The following TTN variants were observed in gnomAD, a reference collection of about 807,000 sequenced individuals.
The protein encoded by TTN is connectin.
Under a neutral mutation model 3,223.0 loss-of-function variants are expected in TTN, and 1,525 were observed. The observed-to-expected ratio is 0.47, with a 90% CI of 0.45 to 0.49. The LOEUF (loss-of-function observed/expected upper bound fraction) is 0.49. Ranked by LOEUF, TTN falls within the 20% of genes least tolerant of loss-of-function variation. TTN has a pLI of 0.00. For missense variants in TTN, 40,786 were observed against 43,424.0 expected, an observed-to-expected ratio of 0.94 and a Z score of 5.40; for synonymous variants, 14,094 against 15,161.0, an observed-to-expected ratio of 0.93 and a Z score of 5.17.
intron 224 of TTN, among the ~76,000 whole-genome samples, 182 bp downstream of exon 224, chr2:178,637,187 A>ATATATATATCTATATATCTATC (rs1553749552): frequency 1.6e-5 from 2 of 125,304 alleles, no homozygotes; most frequent in African/African-American, 6.1e-5. Flanking sequence ...ATATATATAT[A>ATATATATATCTATATATCTATC]TATCTCCTTG....
chr2:178,619,560 G>A, intron 250 of TTN, 61 bp downstream of exon 250: 7 of 1,578,542 alleles, frequency 4.4e-6, no homozygotes, highest in Non-Finnish European at 6.0e-6. Context: ...TTAAATAACT[G>A]TGAAATCTGA....
At position 178,664,604 on chromosome 2, in the gene TTN, A is replaced by G. The variant is rs552667683; in HGVS notation, c.36202+50T>C. 268 of 1,606,244 alleles carry G rather than the reference A, an allele frequency of 1.7e-4. 2 individuals are homozygous for G. The Middle Eastern group carries it at 3.6e-3, about 22-fold the overall frequency. On this transcript the variant is annotated intron_variant, in intron 167 of 362. Coordinates refer to ENST00000589042, the MANE Select transcript of TTN (RefSeq NM_001267550.2). Reference sequence around the variant, plus strand: ...ATCAACACAATCAGGAAAAACATTTATACAAGAAAAGACATGTTCCCACCC... The same window carrying G: ...ATCAACACAATCAGGAAAAACATTTGTACAAGAAAAGACATGTTCCCACCC...
chr2:178,768,184 A>AT, intron 38 of TTN, 29 bp from the exon 39 acceptor site: 1 of 1,611,134 alleles, frequency 6.2e-7, no homozygotes, highest in Non-Finnish European at 8.5e-7. Context: ...AAAAATTAAC[A>AT]TTTTTAACAG....
At chr2:178,626,470 T>C (rs2059070026) in intron 240 of TTN, among the ~76,000 whole-genome samples, 1 of 152,032 alleles carries the variant, frequency 6.6e-6, no homozygotes, top group Non-Finnish European at 1.5e-5. Flanking sequence ...GATTTTGCAC[T>C]GCTTAAGAGT....
chr2:178,547,815 TTC>T lies in TTN; in HGVS notation c.93809_93810del (p.Arg31270AsnfsTer12), dbSNP rs765855837. 6.2e-7 allele frequency: 1 copy of T among 1,613,884 alleles called. No homozygotes were observed. The highest frequency in any genetic ancestry group is 8.5e-7 in the Non-Finnish European group (1 of 1,179,836). ...ATGCTGTCCTTTACAGTCAGTGTGGTTCTGTCTTTTGTTGTTGTAATGCTCAC... is the reference window on the plus strand; with the variant it reads ...ATGCTGTCCTTTACAGTCAGTGTGGTTGTCTTTTGTTGTTGTAATGCTCAC... Reference protein sequence around the residue: ...DRVSITTTKDRTTLTVKDSMR... With the variant: ...DRVSITTTKDXTTLTVKDSMR... On this transcript the variant is annotated frameshift_variant, in exon 339 of 363. Coordinates refer to ENST00000589042, the MANE Select transcript of TTN (RefSeq NM_001267550.2). LOFTEE classifies it high-confidence loss of function.
In TTN at chr2:178,556,978, T is replaced by C; in HGVS notation, c.88176A>G (p.Glu29392=). 1 of 1,613,798 alleles carries C rather than the reference T, an allele frequency of 6.2e-7. No individual in the cohort carries two copies. Among genetic ancestry groups the C allele is most frequent in the Non-Finnish European group, 8.5e-7 (1 of 1,179,812 alleles). Residue 29392 remains glutamate (E), a synonymous_variant, in exon 330 of 363, where the codon GAA becomes GAG. Coordinates refer to ENST00000589042, the MANE Select transcript of TTN (RefSeq NM_001267550.2). The part of the protein sequence containing the change: ...WTKASFTNVT[E]TQFIISGLTQ... Reference sequence around the variant, plus strand: ...TCAAGCCAGAGATGATGAATTGAGTTTCAGTAACATTGGTGAAGCTGGCCT... The same window carrying C: ...TCAAGCCAGAGATGATGAATTGAGTCTCAGTAACATTGGTGAAGCTGGCCT...
At position 178,571,237 on chromosome 2, in the gene TTN, T is replaced by G. The variant is rs201512527; in HGVS notation, c.74895A>C (p.Gln24965His). Residue 24965 changes from glutamine (Q) to histidine (H), a missense_variant, in exon 326 of 363, where the codon CAA (glutamine) becomes CAC (histidine). Physicochemically the swap from Gln to His is conservative, Grantham distance 24. Coordinates refer to ENST00000589042, the MANE Select transcript of TTN (RefSeq NM_001267550.2). The stretch of plus-strand genomic sequence containing the variant: ...CAAGGCCAGTTGTCTTAAACTTGGT[T>G]TGAGGAATAGGTGTTTTATTCAACT... ...WVKLNKTPIP[Q>H]TKFKTTGLEE... The G allele has an allele frequency of 9.1e-4, 1,462 of 1,613,534 alleles. 3 individuals carry two copies. Among genetic ancestry groups the G allele is most frequent in the Admixed American group, 7.8e-4 (47 of 59,976 alleles).
rs988316772 is a variant in TTN, at chr2:178,786,153, G to A, written c.2077-12C>T. 1.2e-6 allele frequency: 2 copies of A among 1,613,096 alleles called. No individual in the cohort carries two copies. Among genetic ancestry groups the A allele is most frequent in the Admixed American group, 3.3e-5 (2 of 59,962 alleles). Reference sequence around the variant, plus strand: ...TTTCCAACGTCCACCTGGAGACAAGGTTTCCAGAATTAATACATAGGAATA... The same window carrying A: ...TTTCCAACGTCCACCTGGAGACAAGATTTCCAGAATTAATACATAGGAATA... On this transcript the variant is annotated splice_polypyrimidine_tract_variant and intron_variant, in intron 13 of 362. Transcript: ENST00000589042.
At chr2:178,664,233 G>A (rs550720076) in intron 168 of TTN, 135 bp from the exon 169 acceptor site, 6 of 927,300 alleles carry the variant, frequency 6.5e-6, no homozygotes, top group Admixed American at 5.8e-5. Context: ...CATAATAGGT[G>A]GTGTTTCAGG....
chr2:178,621,732 G>A lies in TTN; in HGVS notation c.45092C>T (p.Ala15031Val). The change falls in exon 245 of 363, where the codon GCT becomes GTT. Residue 15031 changes from alanine to valine, a missense_variant. Ala to Val is a moderately conservative substitution (Grantham distance 64). Coordinates refer to ENST00000589042, the MANE Select transcript of TTN (RefSeq NM_001267550.2). ...SGMLTVLEEE[A>V]VFTKNLANIE... ...GTTGGCAAGATTTTTGGTAAAGACA[G>A]CTTCTTCTTCTGCAAGCATTGAAAA... 2.5e-6 allele frequency: 4 copies of A among 1,610,694 alleles called. No individual in the cohort carries two copies. The highest frequency in any genetic ancestry group is 2.5e-6 in the Non-Finnish European group (3 of 1,178,580).
Position 178,712,580 on chromosome 2 carries a change from A to C in TTN, c.27342T>G (p.Phe9114Leu). The C allele has an allele frequency of 6.2e-7, 1 of 1,612,498 alleles. No individual in the cohort carries two copies. The highest frequency in any genetic ancestry group is 8.5e-7 in the Non-Finnish European group (1 of 1,179,070). Residue 9114 changes from phenylalanine to leucine, a missense_variant, in exon 95 of 363, where the codon TTT (phenylalanine) becomes TTG (leucine). By Grantham distance (22) the Phe-to-Leu change is conservative. Transcript: ENST00000589042. ...TGCTGTAATCATTCAGCCTCTTCAC[A>C]AATTTGGCTGGGGCTAAAGTGACCA... is the stretch of plus-strand genomic sequence containing the variant. The part of the protein sequence containing the change: ...THLYIKAPAK[F>L]VKRLNDYSIE...
At position 178,632,577 on chromosome 2, in the gene TTN, A is replaced by G; in HGVS notation, c.43429T>C (p.Tyr14477His). 1.2e-6 allele frequency: 2 copies of G among 1,613,326 alleles called. No individual in the cohort carries two copies. Among genetic ancestry groups the G allele is most frequent in the South Asian group, 1.1e-5 (1 of 91,054 alleles). ...KSAAFEDEAK[Y>H]MFEAEDKHTS... ...TGCTTATCTTCAGCTTCAAACATGT[A>G]TTTTGCTTCATCTTCAAAAGCAGCT... Residue 14477 changes from tyrosine to histidine, a missense_variant, in exon 235 of 363, where the codon TAC becomes CAC. Transcript: ENST00000589042.
In TTN at chr2:178,591,882, C is replaced by T. The variant is rs727505101; in HGVS notation, c.59937G>A (p.Gly19979=). Residue 19979 remains glycine, a synonymous_variant, in exon 303 of 363, where the codon GGG becomes GGA. Transcript: ENST00000589042. ...CTACATGGTGCAGGTCCTTGGGTGG[C>T]CCTGGGGGATCTTTTCAAAGAAGAA... ...IKALDPLHPP[G]PPKDLHHVDV... 2.0e-5 allele frequency: 32 copies of T among 1,608,044 alleles called. No individual in the cohort carries two copies. Among genetic ancestry groups the T allele is most frequent in the East Asian group, 4.5e-5 (2 of 44,680 alleles).
chr2:178,646,051 G>A (rs773329323), intron 216 of TTN, 21 bp from the exon 217 acceptor site: 2 of 1,430,138 alleles, frequency 1.4e-6, no homozygotes, highest in Non-Finnish European at 1.9e-6. Flanking sequence ...TATTTCAGAG[G>A]TGTTAGTATA....
intron 112 of TTN, 85 bp downstream of exon 112, chr2:178,698,758 C>G (rs2074188334): frequency 1.6e-6 from 2 of 1,290,010 alleles, no homozygotes; most frequent in South Asian, 1.4e-5. Context: ...AAACTCTTAC[C>G]CTTCCTTCAC....
Position 178,533,470 on chromosome 2 carries a change from AAGC to A in TTN, c.103142_103144del (p.Cys34381del), listed in dbSNP as rs773245013. ...GGGGATGCCAGACACTCTGATCTCA[AAGC>A]AGACACTTTGGCCTTCTTGGCATTC... is the stretch of plus-strand genomic sequence containing the variant. On this transcript the variant is annotated inframe_deletion, in exon 358 of 363. Coordinates refer to ENST00000589042, the MANE Select transcript of TTN (RefSeq NM_001267550.2). The A allele has an allele frequency of 6.2e-7, 1 of 1,613,558 alleles. No individual in the cohort carries two copies. Among genetic ancestry groups the A allele is most frequent in the East Asian group, 2.2e-5 (1 of 44,874 alleles).
At chr2:178,625,214 T>C in intron 241 of TTN, 59 bp downstream of exon 241, 1 of 1,553,382 alleles carries the variant, frequency 6.4e-7, no homozygotes, top group Non-Finnish European at 8.7e-7. Context: ...TAATTGAGAG[T>C]TGGCATTGTT....
In TTN at chr2:178,773,437, A is replaced by G; in HGVS notation, c.7594+25T>C. On this transcript the variant is annotated intron_variant, in intron 32 of 362. Transcript: ENST00000589042. The stretch of plus-strand genomic sequence containing the variant: ...GGAAAGTAGAATGCTTAAAGTAATT[A>G]TTAGATAGGTAGAATAATCCTTACT... 1.2e-6 allele frequency: 2 copies of G among 1,613,984 alleles called. 1 individual carries two copies. The highest frequency in any genetic ancestry group is 2.2e-5 in the South Asian group (2 of 91,078).
intron 47 of TTN, chr2:178,746,607 T>G: frequency 6.2e-7 from 1 of 1,613,222 alleles, no homozygotes; most frequent in Non-Finnish European, 8.5e-7. Flanking sequence ...GCAAAGCTCT[T>G]TGCTTCCCCT....
Sources: gnomAD v4.1 joint callset for allele counts (sites outside exome capture counted in the v4.1 genomes callset) on GRCh38, gnomAD v4.1.1 for gene constraint, MANE v1.5 for transcripts, NCBI Gene and HGNC (gene_info 2026-07-23, HGNC 2026-07-21) for gene names.